CFAP299: variants seen among roughly 807,000 people sequenced by gnomAD.
The protein encoded by CFAP299 is cilia- and flagella-associated protein 299.
CFAP299 carries 21 observed loss-of-function variants against 27.0 expected under a neutral mutation model. The observed-to-expected ratio is 0.78, with a 90% CI of 0.55 to 1.12. CFAP299 has a LOEUF of 1.12. Among genes scored for constraint, CFAP299 ranks in the 50% most tolerant of loss-of-function variants. The pLI is 0.00. For missense variants in CFAP299, 310 were observed against 276.6 expected (o/e 1.12, Z -0.86); for synonymous variants, 104 against 98.1 (o/e 1.06, Z -0.36).
intron 3 of CFAP299, among the ~76,000 whole-genome samples, chr4:80,798,392 T>C (rs943528875): frequency 2.0e-5 from 3 of 152,130 alleles, no homozygotes; most frequent in African/African-American, 4.8e-5. Flanking sequence ...CTGTTTCTTC[T>C]GGCAAAAAAT....
Position 80,420,478 on chromosome 4 carries a change from A to G in CFAP299, c.242+57594A>G, listed in dbSNP as rs557004339. Among the ~76,000 whole-genome samples the G allele has an allele frequency of 3.3e-5, 5 of 152,170 alleles. No individual in the cohort carries two copies. The South Asian group carries it at 1.0e-3, about 32-fold the overall frequency. On this transcript the variant is annotated intron_variant, in intron 2 of 5. Transcript: ENST00000358105. The stretch of plus-strand genomic sequence containing the variant: ...GCCATTCTAACAAATGTGAAGTGAT[A>G]TTTCTTTGTGGTTTTAATTTGCATC...
chr4:80,363,737 A>T (rs1723668215), intron 2 of CFAP299, among the ~76,000 whole-genome samples: 1 of 152,052 alleles, frequency 6.6e-6, no homozygotes, highest in Admixed American at 6.5e-5. Context: ...GATATTTGGG[A>T]ATATATTAGT....
At chr4:80,738,600 T>C (rs973097151) in intron 3 of CFAP299, among the ~76,000 whole-genome samples, 5 of 152,050 alleles carry the variant, frequency 3.3e-5, no homozygotes, top group African/African-American at 7.2e-5. Flanking sequence ...TTAGATCCCT[T>C]GTTTTCATTC....
At chr4:80,347,215 G>C (rs1277216775) in intron 1 of CFAP299, among the ~76,000 whole-genome samples, 1 of 152,100 alleles carries the variant, frequency 6.6e-6, no homozygotes, top group African/African-American at 2.4e-5. Context: ...CATGTCATCT[G>C]CAAACAGGGA....
At chr4:80,503,342 T>C (rs952876147) in intron 2 of CFAP299, among the ~76,000 whole-genome samples, 4 of 152,158 alleles carry the variant, frequency 2.6e-5, no homozygotes, top group African/African-American at 9.6e-5. Flanking sequence ...TTGCCTGGAT[T>C]GTCTTCCTCC....
Position 80,669,022 on chromosome 4 carries a change from G to A in CFAP299, c.333+85839G>A, listed in dbSNP as rs561511980. Among the ~76,000 whole-genome samples, 5 of 151,074 alleles carry A rather than the reference G, an allele frequency of 3.3e-5. No homozygotes were observed. The East Asian group carries it at 9.7e-4, about 29-fold the overall frequency. ...AGTGTTTTGTAGTTCTTCTTGTATG[G>A]CTCTTCCAATTCCTTGACTAAATCA... On this transcript the variant is annotated intron_variant, in intron 3 of 5. Coordinates refer to ENST00000358105, the MANE Select transcript of CFAP299 (RefSeq NM_152770.3).
chr4:80,337,250 A>G (rs1044501834), intron 1 of CFAP299, among the ~76,000 whole-genome samples: 13 of 152,348 alleles, frequency 8.5e-5, no homozygotes, highest in African/African-American at 2.6e-4. Context: ...TCTTTGTAGC[A>G]TATGTGGAAG....
rs1184170030 is a variant in CFAP299, at chr4:80,614,354, G to T, written c.333+31171G>T. The stretch of plus-strand genomic sequence containing the variant: ...ACTAATAATGACCTTGATCCCCATA[G>T]CTGTATATTTAATGGAGATGACAAA... On this transcript the variant is annotated intron_variant, in intron 3 of 5. Transcript: ENST00000358105. Among the ~76,000 whole-genome samples the T allele has an allele frequency of 2.6e-5, 4 of 152,292 alleles. No homozygotes were observed. In the East Asian group the frequency reaches 7.7e-4, roughly 29 times the overall value.
chr4:80,338,129 A>T (rs1722251838), intron 1 of CFAP299, among the ~76,000 whole-genome samples: 1 of 152,142 alleles, frequency 6.6e-6, no homozygotes, highest in Admixed American at 6.6e-5. Context: ...CATCATCAGT[A>T]ACTGACTTTG....
chr4:80,403,317 T>C (rs889052436), intron 2 of CFAP299, among the ~76,000 whole-genome samples: 1 of 152,230 alleles, frequency 6.6e-6, no homozygotes, highest in Non-Finnish European at 1.5e-5. Flanking sequence ...TAGTTGCTCT[T>C]TGCGATAAGC....
At chr4:80,891,622 G>A (rs1367350104) in intron 4 of CFAP299, among the ~76,000 whole-genome samples, 1 of 78,572 alleles carries the variant, frequency 1.3e-5, no homozygotes, top group Non-Finnish European at 2.5e-5. Flanking sequence ...TGGTGGGGTC[G>A]GGGGAGGGGG....
At chr4:80,527,619 A>C (rs138235877) in intron 2 of CFAP299, among the ~76,000 whole-genome samples, 1 of 152,224 alleles carries the variant, frequency 6.6e-6, no homozygotes, top group African/African-American at 2.4e-5. Flanking sequence ...TTCCCTTCAC[A>C]CACACTGTCC....
chr4:80,826,973 A>G (rs984830254), intron 3 of CFAP299, among the ~76,000 whole-genome samples: 1 of 151,862 alleles, frequency 6.6e-6, no homozygotes, highest in Non-Finnish European at 1.5e-5. Flanking sequence ...GGATCAAAAA[A>G]TAAATAACAA....
At chr4:80,884,136 T>C (rs767321546) in intron 4 of CFAP299, among the ~76,000 whole-genome samples, 1 of 152,114 alleles carries the variant, frequency 6.6e-6, no homozygotes, top group Non-Finnish European at 1.5e-5. Flanking sequence ...CTTTCAACAA[T>C]GTACAGATAA....
At chr4:80,540,003 T>G (rs1399688514) in intron 2 of CFAP299, among the ~76,000 whole-genome samples, 1 of 149,670 alleles carries the variant, frequency 6.7e-6, no homozygotes, top group Non-Finnish European at 1.5e-5. Context: ...TAGTATTTTG[T>G]GTAAAAACTG....
At chr4:80,806,324 A>G (rs1728864537) in intron 3 of CFAP299, among the ~76,000 whole-genome samples, 1 of 152,198 alleles carries the variant, frequency 6.6e-6, no homozygotes, top group South Asian at 2.1e-4. Flanking sequence ...ACATCAAGCC[A>G]TTAGATAATT....
At chr4:80,375,769 G>A (rs1724376718) in intron 2 of CFAP299, among the ~76,000 whole-genome samples, 1 of 152,166 alleles carries the variant, frequency 6.6e-6, no homozygotes, top group Admixed American at 6.5e-5. Flanking sequence ...CACATTTGGT[G>A]GAAATGGTTA....
At chr4:80,513,542 A>G (rs2110166306) in intron 2 of CFAP299, among the ~76,000 whole-genome samples, 1 of 152,242 alleles carries the variant, frequency 6.6e-6, no homozygotes, top group Non-Finnish European at 1.5e-5. Context: ...TTTGGTTACT[A>G]TTCAGTAGAG....
At position 80,608,872 on chromosome 4, in the gene CFAP299, TG is replaced by T. The variant is rs1560653695; in HGVS notation, c.333+25690del. ...AGCTTACACGATGCATGTGTGTGTG[TG>T]TGTGTGTGTGTGTGTGTATGTGCAC... On this transcript the variant is annotated intron_variant, in intron 3 of 5. Transcript: ENST00000358105. Among the ~76,000 whole-genome samples the T allele has an allele frequency of 3.3e-5, 5 of 151,614 alleles. No individual in the cohort carries two copies. The South Asian group carries it at 6.2e-4, about 19-fold the overall frequency.
Sources: gnomAD v4.1 joint callset for allele counts (sites outside exome capture counted in the v4.1 genomes callset) on GRCh38, gnomAD v4.1.1 for gene constraint, MANE v1.5 for transcripts, NCBI Gene and HGNC (gene_info 2026-07-23, HGNC 2026-07-21) for gene names.